Variants in CTNNA3 observed in about 807,000 individuals in gnomAD.
CTNNA3 encodes catenin alpha 3.
A neutral mutation model predicts 95.7 loss-of-function variants in CTNNA3; 76 were observed. The observed-to-expected ratio is 0.79, with a 90% CI of 0.66 to 0.96. CTNNA3 has a LOEUF of 0.96. Ranked by LOEUF, CTNNA3 falls within the 40% of genes least tolerant of loss-of-function variation. The pLI is 0.00. For missense variants in CTNNA3, 1,191 were observed against 1,089.8 expected (o/e 1.09, Z -1.31); for synonymous variants, 431 against 374.4 (o/e 1.15, Z -1.74).
In CTNNA3 at chr10:66,654,629, G is replaced by C. The variant is rs540287580; in HGVS notation, c.1282-32845C>G. 3.6e-4 allele frequency among the ~76,000 whole-genome samples: 54 copies of C among 152,110 alleles called. No homozygotes were observed. The South Asian group carries it at 0.011, about 30-fold the overall frequency. On this transcript the variant is annotated intron_variant, in intron 9 of 17. Coordinates refer to ENST00000433211, the MANE Select transcript of CTNNA3 (RefSeq NM_013266.4). ...TATATGTCCAAATGGTATGAAATTA[G>C]TATGTCAAAGAGATTGCCTGCATTC...
intron 11 of CTNNA3, among the ~76,000 whole-genome samples, chr10:66,504,956 T>C (rs1485765192): frequency 1.3e-5 from 2 of 152,208 alleles, no homozygotes; most frequent in Admixed American, 6.5e-5. Flanking sequence ...GAAACTATTA[T>C]ATTGTTATGC....
chr10:67,221,904 A>C (rs1032363633), intron 5 of CTNNA3, among the ~76,000 whole-genome samples: 7 of 152,196 alleles, frequency 4.6e-5, no homozygotes, highest in Non-Finnish European at 1.0e-4. Flanking sequence ...GTAGCTTATA[A>C]AGTGCTTCTA....
At chr10:66,003,374 C>T (rs1454049486) in intron 15 of CTNNA3, among the ~76,000 whole-genome samples, 1 of 151,622 alleles carries the variant, frequency 6.6e-6, no homozygotes. Context: ...AATTCCCTTC[C>T]TCAAATTCAC....
chr10:67,333,310 G>A (rs1454985648), intron 5 of CTNNA3, among the ~76,000 whole-genome samples: 1 of 152,100 alleles, frequency 6.6e-6, no homozygotes, highest in Non-Finnish European at 1.5e-5. Context: ...TAATAAGCTA[G>A]GATCAAAAAT....
At chr10:67,120,476 C>A (rs1361120916) in intron 7 of CTNNA3, among the ~76,000 whole-genome samples, 1 of 151,904 alleles carries the variant, frequency 6.6e-6, no homozygotes, top group Non-Finnish European at 1.5e-5. Context: ...CTCTTCTATA[C>A]CATGGCTTCA....
chr10:67,281,873 G>T (rs1839413741), intron 5 of CTNNA3, among the ~76,000 whole-genome samples: 1 of 151,974 alleles, frequency 6.6e-6, no homozygotes, highest in Non-Finnish European at 1.5e-5. Flanking sequence ...TGATTTCTAA[G>T]GAAAAGATCC....
At chr10:67,536,659 G>T (rs1840495834) in intron 4 of CTNNA3, among the ~76,000 whole-genome samples, 1 of 151,968 alleles carries the variant, frequency 6.6e-6, no homozygotes, top group Non-Finnish European at 1.5e-5. Flanking sequence ...AGAGTTCTGG[G>T]GTCAAAAACA....
intron 12 of CTNNA3, among the ~76,000 whole-genome samples, chr10:66,339,270 C>A (rs1277908133): frequency 1.3e-5 from 2 of 151,776 alleles, no homozygotes; most frequent in Non-Finnish European, 3.0e-5. Context: ...AACAATTTAG[C>A]TAGCTATTAA....
At chr10:66,110,047 A>T (rs1310550956) in intron 13 of CTNNA3, among the ~76,000 whole-genome samples, 1 of 152,048 alleles carries the variant, frequency 6.6e-6, no homozygotes, top group Non-Finnish European at 1.5e-5. Flanking sequence ...CTCATGTATC[A>T]TTTTTTTGTG....
intron 13 of CTNNA3, among the ~76,000 whole-genome samples, chr10:66,156,516 G>C (rs538050385): frequency 6.6e-6 from 1 of 151,972 alleles, no homozygotes; most frequent in Admixed American, 6.6e-5. Flanking sequence ...TAGATGCTAG[G>C]AAATAAGCAG....
chr10:67,684,779 C>T (rs558439628), intron 1 of CTNNA3, among the ~76,000 whole-genome samples: 38 of 152,180 alleles, frequency 2.5e-4, no homozygotes, highest in South Asian at 1.2e-3. Flanking sequence ...ACAAATTTGA[C>T]GAAGAGGTTA....
chr10:67,705,737 C>G (rs1841074476), intron 1 of CTNNA3, among the ~76,000 whole-genome samples: 1 of 149,406 alleles, frequency 6.7e-6, no homozygotes, highest in Non-Finnish European at 1.5e-5. Flanking sequence ...ATGTAACTAA[C>G]CTGCACATTG....
rs1424951786 is a variant in CTNNA3, at chr10:67,521,925, T to A, written c.496A>T (p.Asn166Tyr). ...RTFESLKNVA[N>Y]KSDLQKTYQK... ...TAGGTTTTCTGGAGGTCAGATTTGTTGGCAACATTTTTGAGAGACTCAAAT... is the reference window on the plus strand; with the variant it reads ...TAGGTTTTCTGGAGGTCAGATTTGTAGGCAACATTTTTGAGAGACTCAAAT... Residue 166 changes from asparagine to tyrosine, a missense_variant, in exon 5 of 18, where the codon AAC (asparagine) becomes TAC (tyrosine). Coordinates refer to ENST00000433211, the MANE Select transcript of CTNNA3 (RefSeq NM_013266.4). 6.2e-7 allele frequency: 1 copy of A among 1,612,930 alleles called. No individual in the cohort carries two copies. Among genetic ancestry groups the A allele is most frequent in the East Asian group, 2.2e-5 (1 of 44,886 alleles).
At chr10:66,025,916 T>C (rs1247871743) in intron 15 of CTNNA3, among the ~76,000 whole-genome samples, 5 of 152,146 alleles carry the variant, frequency 3.3e-5, no homozygotes, top group African/African-American at 4.8e-5. Context: ...GCAGCACATA[T>C]GCTGTACAGT....
intron 3 of CTNNA3, among the ~76,000 whole-genome samples, chr10:67,553,989 T>A (rs1335666791): frequency 2.6e-5 from 4 of 152,194 alleles, no homozygotes; most frequent in Non-Finnish European, 5.9e-5. Flanking sequence ...AATGACCACC[T>A]ATGAGTGAGA....
At chr10:66,191,591 TA>T (rs577834196) in intron 13 of CTNNA3, among the ~76,000 whole-genome samples, 47 of 149,398 alleles carry the variant, frequency 3.1e-4, no homozygotes, top group African/African-American at 1.1e-3. Flanking sequence ...CCCACATTTG[TA>T]TTTCAATGTG....
intron 4 of CTNNA3, among the ~76,000 whole-genome samples, chr10:67,524,360 T>C (rs1840074670): frequency 7.4e-6 from 1 of 135,566 alleles, no homozygotes; most frequent in East Asian, 2.0e-4. Context: ...ATTGCGCCAC[T>C]GCACTCCAGC....
chr10:66,157,483 A>ATATG (rs1205454196), intron 13 of CTNNA3, among the ~76,000 whole-genome samples: 3 of 119,992 alleles, frequency 2.5e-5, no homozygotes, highest in African/African-American at 6.4e-5. Context: ...TGATAGATAG[A>ATATG]TAGATATGTA....
At chr10:67,003,441 C>CA (rs916521491) in intron 7 of CTNNA3, among the ~76,000 whole-genome samples, 2 of 151,974 alleles carry the variant, frequency 1.3e-5, no homozygotes, top group African/African-American at 2.4e-5. Context: ...GGATATTGCT[C>CA]AAAAAAATCA....
Sources: allele counts gnomAD v4.1 joint callset (sites outside exome capture counted in the v4.1 genomes callset), GRCh38; gene constraint gnomAD v4.1.1; transcripts MANE v1.5; gene names NCBI Gene and HGNC (gene_info 2026-07-23, HGNC 2026-07-21).